PIK3R6: variants seen among roughly 807,000 people sequenced by gnomAD.
PIK3R6 encodes phosphoinositide-3-kinase regulatory subunit 6.
Under a neutral mutation model 84.9 loss-of-function variants are expected in PIK3R6, and 91 were observed. The observed-to-expected ratio is 1.07, with a 90% CI of 0.90 to 1.28. PIK3R6 has a LOEUF of 1.28. Among genes scored for constraint, PIK3R6 ranks in the 50% most tolerant of loss-of-function variants. The probability of loss-of-function intolerance (pLI) is 0.00; values close to 1 mark genes in which losing one functional copy is unlikely to be tolerated. For missense variants in PIK3R6, 996 were observed against 985.1 expected, an observed-to-expected ratio of 1.01 and a Z score of -0.15; for synonymous variants, 416 against 411.4, an observed-to-expected ratio of 1.01 and a Z score of -0.13.
chr17:8,827,061 C>A, intron 13 of PIK3R6, 111 bp downstream of exon 13: 2 of 1,294,540 alleles, frequency 1.5e-6, no homozygotes, highest in South Asian at 2.9e-5. Context: ...AGATGGCCCC[C>A]TCTCACCCCC....
In PIK3R6 at chr17:8,843,478, A is replaced by G. The variant is rs117467637; in HGVS notation, c.14-3781T>C. Among the ~76,000 whole-genome samples the G allele has an allele frequency of 1.3e-3, 203 of 152,216 alleles. 1 individual carries two copies. In the East Asian group the frequency reaches 0.029, roughly 21 times the overall value. On this transcript the variant is annotated intron_variant, in intron 2 of 19. Coordinates refer to ENST00000619866, the MANE Select transcript of PIK3R6 (RefSeq NM_001010855.4). ...CCCCTTGCTTTGCAAGGGAAGTTGA[A>G]TTTTTATGTTTCACAGAAAAATAGA...
rs187326651 is a variant in PIK3R6 at position 8,856,487 on chromosome 17, A to G, written c.-91-6602T>C. 4.0e-4 allele frequency among the ~76,000 whole-genome samples: 61 copies of G among 152,338 alleles called. No homozygotes were observed. The East Asian group carries it at 8.7e-3, about 22-fold the overall frequency. On this transcript the variant is annotated intron_variant, in intron 1 of 19. Coordinates refer to ENST00000619866, the MANE Select transcript of PIK3R6 (RefSeq NM_001010855.4). ...CATGGTGGCAGGTGCCTGTAATCCC[A>G]GCTACCCGGGAGGCTGAAGCAGGAG...
chr17:8,864,947 A>G (rs1339061420), intron 1 of PIK3R6, among the ~76,000 whole-genome samples: 1 of 152,186 alleles, frequency 6.6e-6, no homozygotes, highest in Non-Finnish European at 1.5e-5. Context: ...GCACTGAACA[A>G]GTCGCAGGCC....
At position 8,842,891 on chromosome 17, in the gene PIK3R6, A is replaced by T. The variant is rs2088721554; in HGVS notation, c.14-3194T>A. Among the ~76,000 whole-genome samples, 1 of 152,244 alleles carries T rather than the reference A, an allele frequency of 6.6e-6. No homozygotes were observed. Among genetic ancestry groups the T allele is most frequent in the Non-Finnish European group, 1.5e-5 (1 of 68,044 alleles). ...AAGTAGAATAGAGATAACAAATTTA[A>T]AAATCAGCAGATTGCAGTCCAAGAG... On this transcript the variant is annotated intron_variant, in intron 2 of 19. Coordinates refer to ENST00000619866, the MANE Select transcript of PIK3R6 (RefSeq NM_001010855.4). The surrounding 1 kb of genome is among the most constrained non-coding windows in gnomAD (Gnocchi z 4.5).
intron 17 of PIK3R6, among the ~76,000 whole-genome samples, chr17:8,821,371 C>T (rs2087725483): frequency 6.6e-6 from 1 of 152,126 alleles, no homozygotes; most frequent in Admixed American, 6.5e-5. Context: ...ACTGCCTGGC[C>T]TCTGGTGTTT....
rs1455615728 is a variant in PIK3R6 at position 8,803,650 on chromosome 17, T to C, written c.2109-221A>G. 2.0e-5 allele frequency: 11 copies of C among 562,832 alleles called. No homozygotes were observed. Among genetic ancestry groups the C allele is most frequent in the Non-Finnish European group, 3.1e-5 (10 of 320,332 alleles). 34.9% of individuals were successfully genotyped at this position (562,832 alleles called of 1,614,324 possible). ...CACTTGGAGCAAGTAACTCTGCGCA[T>C]GCCTCCCTTACCCAAACACACCTCC... On this transcript the variant is annotated intron_variant, in intron 19 of 19. Transcript: ENST00000619866. The surrounding 1 kb of genome is among the most constrained non-coding windows in gnomAD (Gnocchi z 5.0).
intron 18 of PIK3R6, among the ~76,000 whole-genome samples, chr17:8,806,205 A>C (rs973478517): frequency 6.6e-6 from 1 of 152,244 alleles, no homozygotes; most frequent in African/African-American, 2.4e-5. Flanking sequence ...AACTGATTGC[A>C]CCTGGTGAGA....
chr17:8,849,706 G>C, intron 2 of PIK3R6, 76 bp downstream of exon 2: 1 of 1,503,204 alleles, frequency 6.7e-7, no homozygotes, highest in Non-Finnish European at 8.9e-7. Context: ...AGCCCTAGAG[G>C]CATCCTCACC....
At chr17:8,843,719 G>A (rs763924072) in intron 2 of PIK3R6, among the ~76,000 whole-genome samples, 2 of 151,994 alleles carry the variant, frequency 1.3e-5, no homozygotes, top group Admixed American at 6.6e-5. Flanking sequence ...GGCATCTCTC[G>A]AAAATCTGAC....
Position 8,803,096 on chromosome 17 carries a change from G to T in PIK3R6, c.*177C>A. On this transcript the variant is annotated 3_prime_UTR_variant, in exon 20 of 20. Coordinates refer to ENST00000619866, the MANE Select transcript of PIK3R6 (RefSeq NM_001010855.4). The surrounding 1 kb of genome is among the most constrained non-coding windows in gnomAD (Gnocchi z 5.0). The stretch of plus-strand genomic sequence containing the variant: ...CTGGGCCATCCGTAGACCTCCATGT[G>T]GGCCCTTCCTCATCACAGTCCCCAG... The T allele has an allele frequency of 1.4e-6, 1 of 698,294 alleles. No individual in the cohort carries two copies. Among genetic ancestry groups the T allele is most frequent in the Non-Finnish European group, 2.3e-6 (1 of 425,586 alleles). The allele number at this position is 698,294 out of a possible 1,614,324, so 43.3% of individuals were successfully genotyped here. A position where few individuals can be genotyped will look rare whatever the true frequency, so the allele number is the denominator to read the frequency against.
At chr17:8,833,765 C>A (rs2088346273) in intron 8 of PIK3R6, among the ~76,000 whole-genome samples, 1 of 151,918 alleles carries the variant, frequency 6.6e-6, no homozygotes, top group African/African-American at 2.4e-5. Flanking sequence ...CGGTCTCGAT[C>A]TCCTGACCTC....
Position 8,823,420 on chromosome 17 carries a change from G to C in PIK3R6, c.1593C>G (p.Thr531=), listed in dbSNP as rs774528834. 6.5e-7 allele frequency: 1 copy of C among 1,542,256 alleles called. No homozygotes were observed. The highest frequency in any genetic ancestry group is 1.8e-5 in the Admixed American group (1 of 54,072). The change falls in exon 14 of 20, where the codon ACC becomes ACG. Residue 531 remains threonine, a synonymous_variant. Transcript: ENST00000619866. ...DVITYYIRMG[T]QPIYFQIYTV... Reference sequence around the variant, plus strand: ...TGTAGATCTGGAAATAGATGGGTTGGGTGCCCATGCGGATGTAGTAGGTGA... The same window carrying C: ...TGTAGATCTGGAAATAGATGGGTTGCGTGCCCATGCGGATGTAGTAGGTGA...
chr17:8,839,528 G>A lies in PIK3R6; in HGVS notation c.97+86C>T. 9.1e-7 allele frequency: 1 copy of A among 1,095,542 alleles called. No homozygotes were observed. The highest frequency in any genetic ancestry group is 2.4e-5 in the Admixed American group (1 of 41,584). The allele number at this position is 1,095,542 out of a possible 1,614,324, so 67.9% of individuals were successfully genotyped here. A position where few individuals can be genotyped will look rare whatever the true frequency, so the allele number is the denominator to read the frequency against. On this transcript the variant is annotated intron_variant, in intron 3 of 19. Coordinates refer to ENST00000619866, the MANE Select transcript of PIK3R6 (RefSeq NM_001010855.4). The surrounding 1 kb of genome is among the most constrained non-coding windows in gnomAD (Gnocchi z 4.2). ...CCCTTGCCCCCTGAGCTCCAGGCCG[G>A]GGCTCTTTCCTGTATGCGCGTGTAT...
At chr17:8,832,713 G>A (rs2088290993) in intron 9 of PIK3R6, among the ~76,000 whole-genome samples, 176 bp downstream of exon 9, 1 of 151,968 alleles carries the variant, frequency 6.6e-6, no homozygotes, top group South Asian at 2.1e-4. Flanking sequence ...CTAATTACCC[G>A]CCTCTTAGTC....
intron 1 of PIK3R6, among the ~76,000 whole-genome samples, chr17:8,867,207 G>T (rs1403179379): frequency 1.3e-5 from 2 of 152,208 alleles, no homozygotes; most frequent in African/African-American, 2.4e-5. Context: ...GTACTCTGCA[G>T]CACCGGGCAT....
At chr17:8,858,159 C>A (rs922335868) in intron 1 of PIK3R6, among the ~76,000 whole-genome samples, 1 of 152,070 alleles carries the variant, frequency 6.6e-6, no homozygotes, top group Admixed American at 6.6e-5. Flanking sequence ...TGAGCTTGCA[C>A]GTAGACAGGA....
At chr17:8,808,746 G>A (rs1338570229) in intron 18 of PIK3R6, among the ~76,000 whole-genome samples, 2 of 152,040 alleles carry the variant, frequency 1.3e-5, no homozygotes, top group African/African-American at 4.8e-5. Context: ...TCCAGGAAAT[G>A]AAAAAAGAAG....
intron 18 of PIK3R6, among the ~76,000 whole-genome samples, chr17:8,804,452 T>C (rs555135811): frequency 6.6e-6 from 1 of 152,302 alleles, no homozygotes; most frequent in East Asian, 1.9e-4. Flanking sequence ...AACTCGAGTG[T>C]TGATTTCTTC....
At chr17:8,830,459 T>C (rs2088195587) in intron 9 of PIK3R6, among the ~76,000 whole-genome samples, 1 of 152,144 alleles carries the variant, frequency 6.6e-6, no homozygotes, top group Non-Finnish European at 1.5e-5. Flanking sequence ...GGCTCCGTAT[T>C]CCCGTTTCAC....
Sources: gnomAD v4.1 joint callset for allele counts (sites outside exome capture counted in the v4.1 genomes callset) on GRCh38, gnomAD v4.1.1 for gene constraint, Gnocchi (gnomAD v3.1) non-coding constraint, MANE v1.5 for transcripts, NCBI Gene and HGNC (gene_info 2026-07-23, HGNC 2026-07-21) for gene names.